The following ALDH1A2 variants were observed in gnomAD, a reference collection of about 807,000 sequenced individuals.
ALDH1A2 encodes the protein aldehyde dehydrogenase 1 family member A2.
ALDH1A2 carries 27 observed loss-of-function variants against 60.3 expected under a neutral mutation model. The ratio of observed to expected loss-of-function variants is 0.45; its 90% CI spans 0.33 to 0.62. ALDH1A2 has a LOEUF of 0.62. ALDH1A2 is among the 20% of genes least tolerant of loss of function. ALDH1A2 has a pLI of 0.02. For synonymous variants in ALDH1A2, 289 were observed against 232.4 expected (o/e 1.24, Z -2.21); for missense variants, 581 against 643.8 (o/e 0.90, Z 1.06).
intron 1 of ALDH1A2, among the ~76,000 whole-genome samples, chr15:58,053,802 C>CCA (rs1896832929): frequency 6.6e-6 from 1 of 152,160 alleles, no homozygotes; most frequent in African/African-American, 2.4e-5. Flanking sequence ...GCTACAACTA[C>CCA]CACCCAGGCT....
At chr15:57,964,688 C>A (rs571454961) in intron 8 of ALDH1A2, 1 of 153,240 alleles carries the variant, frequency 6.5e-6, no homozygotes, top group East Asian at 1.9e-4. Flanking sequence ...TCTAGATTGA[C>A]ATGGACTTGT....
intron 12 of ALDH1A2, 49 bp from the exon 13 acceptor site, chr15:57,955,318 G>A (rs1893482793): frequency 6.3e-7 from 1 of 1,588,304 alleles, no homozygotes; most frequent in Non-Finnish European, 8.6e-7. Flanking sequence ...CCAGGGAGCT[G>A]CATGTGAGTG....
intron 7 of ALDH1A2, among the ~76,000 whole-genome samples, chr15:57,974,358 G>A (rs983114327): frequency 1.3e-5 from 2 of 150,852 alleles, no homozygotes; most frequent in African/African-American, 2.4e-5. Context: ...GCATAAACCC[G>A]GGAGGCAGAG....
At chr15:57,963,496 C>T (rs1353487942) in intron 9 of ALDH1A2, among the ~76,000 whole-genome samples, 2 of 151,954 alleles carry the variant, frequency 1.3e-5, no homozygotes, top group East Asian at 1.9e-4. Flanking sequence ...CCCGCCACCT[C>T]GCCCGGCTAA....
intron 1 of ALDH1A2, among the ~76,000 whole-genome samples, chr15:58,041,217 A>C (rs564925878): frequency 3.9e-5 from 6 of 152,074 alleles, no homozygotes; most frequent in East Asian, 1.9e-4. Context: ...CATTTATACA[A>C]CACCACCATT....
At chr15:58,020,236 T>G (rs1300853833) in intron 1 of ALDH1A2, among the ~76,000 whole-genome samples, 1 of 152,228 alleles carries the variant, frequency 6.6e-6, no homozygotes, top group Non-Finnish European at 1.5e-5. Context: ...GGTATTTGGG[T>G]TGATTCCACA....
rs8039604 is a variant in ALDH1A2 at position 57,980,091 on chromosome 15, C to T, written c.798+12614G>A. The T allele has an allele frequency of 1.7e-3, 513 of 301,988 alleles. 1 individual carries two copies. The highest frequency in any genetic ancestry group is 0.011 in the African/African-American group (484 of 45,524). The allele number at this position is 301,988 out of a possible 1,614,324, so 18.7% of individuals were successfully genotyped here. A position where few individuals can be genotyped will look rare whatever the true frequency, so the allele number is the denominator to read the frequency against. On this transcript the variant is annotated intron_variant, in intron 7 of 12. Transcript: ENST00000249750. ...TTGGGGTCACACAGATGCCTCTTCA[C>T]GCCATACACGGTCATGCCCAACTGG...
chr15:58,034,328 A>G (rs1896321427), intron 1 of ALDH1A2, among the ~76,000 whole-genome samples: 1 of 151,764 alleles, frequency 6.6e-6, no homozygotes, highest in Admixed American at 6.6e-5. Flanking sequence ...AATCCTGCAA[A>G]TTTATAGTAA....
intron 4 of ALDH1A2, among the ~76,000 whole-genome samples, chr15:58,004,694 TGTGTGTGTGC>T (rs1488636172): frequency 2.1e-4 from 2 of 9,754 alleles, no homozygotes; most frequent in South Asian, 0.015. Flanking sequence ...TCCCATGATT[TGTGTGTGTGC>T]GTGTGTGTGT....
chr15:57,994,559 C>G (rs1441126908), intron 5 of ALDH1A2, among the ~76,000 whole-genome samples: 1 of 152,118 alleles, frequency 6.6e-6, no homozygotes, highest in African/African-American at 2.4e-5. Flanking sequence ...AGCACTACAT[C>G]TATTTCTCTT....
intron 4 of ALDH1A2, among the ~76,000 whole-genome samples, chr15:58,004,693 T>TTG (rs138706461): frequency 0.38 from 51,586 of 136,774 alleles, 10,679 homozygotes; most frequent in South Asian, 0.57. Context: ...ATCCCATGAT[T>TTG]TGTGTGTGTG....
intron 1 of ALDH1A2, among the ~76,000 whole-genome samples, chr15:58,055,061 A>C (rs1446405325): frequency 6.6e-6 from 1 of 152,054 alleles, no homozygotes; most frequent in African/African-American, 2.4e-5. Flanking sequence ...CCTATGAAAC[A>C]TTCAGCAAGG....
rs778276332 is a variant in ALDH1A2, at chr15:58,065,696, G to A, written c.-46C>T. On this transcript the variant is annotated 5_prime_UTR_variant, in exon 1 of 13. Coordinates refer to ENST00000249750, the MANE Select transcript of ALDH1A2 (RefSeq NM_003888.4). ...TAGCCCGCGGCGTGGGGCAGTGCGG[G>A]CTGTGCGCGCGGTCCGCGGCCCGGG... The A allele has an allele frequency of 3.6e-6, 5 of 1,372,190 alleles. No homozygotes were observed. The highest frequency in any genetic ancestry group is 4.9e-6 in the Non-Finnish European group (5 of 1,018,666). 85.0% of individuals were successfully genotyped at this position (1,372,190 alleles called of 1,614,324 possible). A position where few individuals can be genotyped will look rare whatever the true frequency, so the allele number is the denominator to read the frequency against.
intron 3 of ALDH1A2, among the ~76,000 whole-genome samples, chr15:58,011,512 A>C (rs775899636): frequency 2.0e-5 from 3 of 152,222 alleles, no homozygotes; most frequent in Non-Finnish European, 4.4e-5. Flanking sequence ...GAGTATTTTG[A>C]CTTGAGAAAT....
At chr15:58,002,901 G>C (rs551012718) in intron 4 of ALDH1A2, among the ~76,000 whole-genome samples, 26 of 151,904 alleles carry the variant, frequency 1.7e-4, no homozygotes, top group Admixed American at 2.6e-4. Flanking sequence ...TGTTGACGTT[G>C]AACAGACCTC....
At chr15:58,057,056 A>G (rs1444220123) in intron 1 of ALDH1A2, among the ~76,000 whole-genome samples, 1 of 152,144 alleles carries the variant, frequency 6.6e-6, no homozygotes, top group Non-Finnish European at 1.5e-5. Context: ...TGAGCCAGCA[A>G]TATCACTTTT....
At chr15:57,966,714 C>T (rs946273949) in intron 7 of ALDH1A2, among the ~76,000 whole-genome samples, 59 of 152,200 alleles carry the variant, frequency 3.9e-4, no homozygotes, top group Admixed American at 3.8e-3. Context: ...CAGGACTGGG[C>T]TCTGAGGGAC....
At chr15:58,018,498 G>A (rs1895842023) in intron 1 of ALDH1A2, among the ~76,000 whole-genome samples, 1 of 151,934 alleles carries the variant, frequency 6.6e-6, no homozygotes, top group Admixed American at 6.6e-5. Flanking sequence ...AGTAAAATTG[G>A]TGGGCAAATA....
intron 4 of ALDH1A2, among the ~76,000 whole-genome samples, chr15:58,005,913 G>C (rs1181627050): frequency 6.6e-6 from 1 of 150,814 alleles, no homozygotes; most frequent in Non-Finnish European, 1.5e-5. Context: ...TTCATTATTT[G>C]TGGATTCCAT....
Sources: allele counts gnomAD v4.1 joint callset (sites outside exome capture counted in the v4.1 genomes callset), GRCh38; gene constraint gnomAD v4.1.1; transcripts MANE v1.5; gene names NCBI Gene and HGNC (gene_info 2026-07-23, HGNC 2026-07-21).